The following TOPAZ1 variants were observed in gnomAD, a reference collection of about 807,000 sequenced individuals.
TOPAZ1 encodes the protein testis and ovary specific TOPAZ 1.
In TOPAZ1, 66 loss-of-function variants were observed where a neutral mutation model predicts 172.2. The ratio of observed to expected loss-of-function variants is 0.38; its 90% CI spans 0.31 to 0.47. TOPAZ1 has a LOEUF of 0.47. Ranked by LOEUF, TOPAZ1 falls within the 20% of genes least tolerant of loss-of-function variation. The pLI is 0.99. For synonymous variants in TOPAZ1, 681 were observed against 683.9 expected (o/e 1.00, Z 0.07); for missense variants, 1,822 against 1,972.4 (o/e 0.92, Z 1.44).
chr3:44,264,595 A>G (rs766962561), intron 5 of TOPAZ1, among the ~76,000 whole-genome samples: 5 of 152,194 alleles, frequency 3.3e-5, no homozygotes, highest in African/African-American at 4.8e-5. Flanking sequence ...TCTTAAAATA[A>G]GACAACAATG....
chr3:44,315,531 C>G (rs1452947053), intron 16 of TOPAZ1, among the ~76,000 whole-genome samples: 1 of 109,206 alleles, frequency 9.2e-6, no homozygotes, highest in Non-Finnish European at 1.9e-5. Flanking sequence ...CCACGTCTGG[C>G]TATTTTTTTT....
intron 12 of TOPAZ1, among the ~76,000 whole-genome samples, chr3:44,296,859 A>AGAAAG (rs1559541145): frequency 8.1e-6 from 1 of 122,918 alleles, no homozygotes; most frequent in East Asian, 2.2e-4. Flanking sequence ...AAAAAAAAAA[A>AGAAAG]AAAAAGAAAA....
At chr3:44,293,150 TAAAC>T (rs1700157542) in intron 12 of TOPAZ1, among the ~76,000 whole-genome samples, 1 of 152,202 alleles carries the variant, frequency 6.6e-6, no homozygotes, top group African/African-American at 2.4e-5. Context: ...GATACTAGTG[TAAAC>T]AAACTTACTG....
intron 12 of TOPAZ1, among the ~76,000 whole-genome samples, chr3:44,292,350 T>C (rs1193253180): frequency 6.6e-6 from 1 of 152,190 alleles, no homozygotes; most frequent in Non-Finnish European, 1.5e-5. Flanking sequence ...TAATTTGTTT[T>C]TAAGTAGGGT....
chr3:44,246,381 C>T (rs886132834), intron 2 of TOPAZ1, among the ~76,000 whole-genome samples: 17 of 152,014 alleles, frequency 1.1e-4, no homozygotes, highest in East Asian at 3.8e-4. Context: ...AAAATGAAAA[C>T]ACTTTTCATT....
intron 12 of TOPAZ1, among the ~76,000 whole-genome samples, chr3:44,295,683 A>G (rs1236210290): frequency 6.6e-6 from 1 of 152,206 alleles, no homozygotes; most frequent in East Asian, 1.9e-4. Context: ...CCAAGAAGAC[A>G]TAGCAATTAT....
chr3:44,322,608 A>C (rs1251869741), intron 17 of TOPAZ1, among the ~76,000 whole-genome samples: 1 of 152,182 alleles, frequency 6.6e-6, no homozygotes, highest in Non-Finnish European at 1.5e-5. Flanking sequence ...CATGCCTGTA[A>C]TCCCAGCACT....
chr3:44,244,661 G>A lies in TOPAZ1; in HGVS notation c.2155G>A (p.Asp719Asn), dbSNP rs781488261. ...REAYSPLELL[D>N]NLSGADVRQN... ...AGCTTACAGTCCTCTAGAACTTCTG[G>A]ACAATTTATCTGGAGCAGACGTAAG... The change falls in exon 2 of 20, where the codon GAC becomes AAC. Residue 719 changes from aspartate to asparagine, a missense_variant. Transcript: ENST00000309765. The A allele has an allele frequency of 1.2e-5, 18 of 1,551,252 alleles. No homozygotes were observed. In the Middle Eastern group the frequency reaches 1.7e-3, roughly 144 times the overall value.
chr3:44,321,851 C>T (rs761301868), intron 17 of TOPAZ1, among the ~76,000 whole-genome samples: 15 of 152,186 alleles, frequency 9.9e-5, no homozygotes, highest in Non-Finnish European at 2.1e-4. Flanking sequence ...CAGGATGGTA[C>T]TATTTTCTTT....
intron 13 of TOPAZ1, among the ~76,000 whole-genome samples, chr3:44,304,842 A>G (rs1700316805): frequency 6.6e-6 from 1 of 152,196 alleles, no homozygotes; most frequent in African/African-American, 2.4e-5. Context: ...CGTAAAATCC[A>G]TCTCCACTGT....
intron 8 of TOPAZ1, among the ~76,000 whole-genome samples, chr3:44,279,169 A>G (rs1034931553): frequency 6.6e-6 from 1 of 151,938 alleles, no homozygotes; most frequent in Non-Finnish European, 1.5e-5. Context: ...TTCTAGTTCT[A>G]TTTTATTGTA....
intron 10 of TOPAZ1, 34 bp from the exon 11 acceptor site, chr3:44,287,713 C>A: frequency 8.5e-7 from 1 of 1,179,958 alleles, no homozygotes; most frequent in Non-Finnish European, 1.2e-6. Context: ...AAAAGAAGAT[C>A]TGAAAATGAG....
At chr3:44,281,289 T>C (rs1255368020) in intron 8 of TOPAZ1, among the ~76,000 whole-genome samples, 1 of 152,248 alleles carries the variant, frequency 6.6e-6, no homozygotes, top group Non-Finnish European at 1.5e-5. Flanking sequence ...TCCACTGAAG[T>C]GGCTGGTCCA....
At position 44,321,213 on chromosome 3, in the gene TOPAZ1, CTTAA is replaced by C. The variant is rs2125704921; in HGVS notation, c.4471+26_4471+29del. ...CAAGGTATGTTTTTTAAAAGTCTAT[CTTAA>C]TTATCTCTTGCCCATCTGGTGTTTA... On this transcript the variant is annotated intron_variant, in intron 17 of 19. Coordinates refer to ENST00000309765, the MANE Select transcript of TOPAZ1 (RefSeq NM_001145030.2). 9.9e-6 allele frequency: 15 copies of C among 1,510,756 alleles called. No homozygotes were observed. The East Asian group carries it at 3.8e-4, about 38-fold the overall frequency. The allele number at this position is 1,510,756 out of a possible 1,614,324, so 93.6% of individuals were successfully genotyped here. A position where few individuals can be genotyped will look rare whatever the true frequency, so the allele number is the denominator to read the frequency against.
chr3:44,320,151 G>A (rs1200980821), intron 16 of TOPAZ1, among the ~76,000 whole-genome samples: 1 of 152,004 alleles, frequency 6.6e-6, no homozygotes, highest in East Asian at 1.9e-4. Flanking sequence ...TTTTAAAGAG[G>A]GTCTGAGGTC....
intron 17 of TOPAZ1, 100 bp downstream of exon 17, chr3:44,321,291 T>A: frequency 1.2e-6 from 1 of 808,544 alleles, no homozygotes. Context: ...AGTTTTATAT[T>A]CCAGCATATT....
intron 9 of TOPAZ1, among the ~76,000 whole-genome samples, chr3:44,283,971 A>G (rs1021169503): frequency 6.6e-6 from 1 of 152,150 alleles, no homozygotes; most frequent in Non-Finnish European, 1.5e-5. Flanking sequence ...ACTTGACCCA[A>G]TTATGGCGTT....
At chr3:44,333,037 T>C (rs548193508), downstream of TOPAZ1, among the ~76,000 whole-genome samples, 1 of 151,714 alleles carries the variant, frequency 6.6e-6, no homozygotes, top group African/African-American at 2.4e-5. Flanking sequence ...TTTCCCAGGC[T>C]GGTCTCAAAC....
chr3:44,280,657 A>G (rs911107243), intron 8 of TOPAZ1, among the ~76,000 whole-genome samples: 1 of 152,140 alleles, frequency 6.6e-6, no homozygotes, highest in Admixed American at 6.6e-5. Context: ...TTCTTTTTCA[A>G]AAGTTATTTT....
Sources: gnomAD v4.1 joint callset for allele counts (sites outside exome capture counted in the v4.1 genomes callset) on GRCh38, gnomAD v4.1.1 for gene constraint, MANE v1.5 for transcripts, NCBI Gene and HGNC (gene_info 2026-07-23, HGNC 2026-07-21) for gene names.